The following NBEA variants were observed in gnomAD, a reference collection of about 807,000 sequenced individuals.
NBEA encodes the protein neurobeachin.
NBEA carries 44 observed loss-of-function variants against 343.4 expected under a neutral mutation model. That is an observed-to-expected ratio of 0.13 (90% CI 0.10 to 0.16). The LOEUF is 0.16. NBEA is among the 10% of genes least tolerant of loss of function. The probability of loss-of-function intolerance (pLI) is 1.00; values close to 1 mark genes in which losing one functional copy is unlikely to be tolerated. For synonymous variants in NBEA, 1,175 were observed against 1,238.7 expected (o/e 0.95, Z 1.08); for missense variants, 2,555 against 3,631.3 (o/e 0.70, Z 7.62).
chr13:35,176,250 G>C (rs940694377), intron 27 of NBEA, among the ~76,000 whole-genome samples: 8 of 152,166 alleles, frequency 5.3e-5, no homozygotes, highest in Admixed American at 2.0e-4. Flanking sequence ...TTGAGAAATA[G>C]AAGGTACCCT....
At chr13:35,389,017 C>CT (rs796374405) in intron 38 of NBEA, among the ~76,000 whole-genome samples, 4,203 of 137,332 alleles carry the variant, frequency 0.031, 171 homozygotes, top group African/African-American at 0.093. Context: ...TGGCGGGTTT[C>CT]TTTTTTTTTT....
intron 40 of NBEA, among the ~76,000 whole-genome samples, chr13:35,460,973 C>T (rs1469581308): frequency 1.3e-5 from 2 of 152,208 alleles, no homozygotes; most frequent in Admixed American, 6.5e-5. Flanking sequence ...AGGGAACTCA[C>T]ATGCTATCTC....
At chr13:35,179,181 A>G (rs190618053) in intron 28 of NBEA, among the ~76,000 whole-genome samples, 2 of 151,694 alleles carry the variant, frequency 1.3e-5, no homozygotes, top group East Asian at 1.9e-4. Context: ...TTCTGACTCT[A>G]CCTTATACCA....
Position 35,140,667 on chromosome 13 carries a change from T to C in NBEA, c.2337-1602T>C, listed in dbSNP as rs592906. On this transcript the variant is annotated intron_variant, in intron 17 of 58. Coordinates refer to ENST00000379939, the MANE Select transcript of NBEA (RefSeq NM_001385012.1). ...TAGGGTGAGGGTATCAACAATCCTGTGTCTTTTGTTATGGAGTGTGGCTCT... is the reference window on the plus strand; with the variant it reads ...TAGGGTGAGGGTATCAACAATCCTGCGTCTTTTGTTATGGAGTGTGGCTCT... 1.9e-3 allele frequency among the ~76,000 whole-genome samples: 288 copies of C among 152,282 alleles called. 2 individuals are homozygous for C. Among genetic ancestry groups the C allele is most frequent in the African/African-American group, 6.4e-3 (267 of 41,552 alleles).
intron 40 of NBEA, among the ~76,000 whole-genome samples, chr13:35,457,045 T>A (rs2046620727): frequency 1.3e-5 from 2 of 151,832 alleles, no homozygotes; most frequent in African/African-American, 4.8e-5. Context: ...AGTCCACCCA[T>A]GTTAATGTCT....
intron 40 of NBEA, among the ~76,000 whole-genome samples, chr13:35,469,626 A>G (rs962173397): frequency 1.3e-5 from 2 of 152,190 alleles, no homozygotes; most frequent in East Asian, 1.9e-4. Flanking sequence ...CAATATTTCT[A>G]TGTGTGCCGA....
At chr13:34,947,601 T>G (rs1409034484) in intron 1 of NBEA, among the ~76,000 whole-genome samples, 1 of 152,208 alleles carries the variant, frequency 6.6e-6, no homozygotes, top group Non-Finnish European at 1.5e-5. Flanking sequence ...CATATCACCC[T>G]GTAGCATTGC....
chr13:35,647,194 A>C (rs889320885), intron 51 of NBEA, among the ~76,000 whole-genome samples: 1 of 152,222 alleles, frequency 6.6e-6, no homozygotes, highest in African/African-American at 2.4e-5. Flanking sequence ...TAATTTGAAG[A>C]AGGTAAAATT....
intron 1 of NBEA, among the ~76,000 whole-genome samples, chr13:35,010,739 A>ATATATATATATAT (rs1221896150): frequency 2.9e-5 from 1 of 34,164 alleles, no homozygotes; most frequent in Admixed American, 4.3e-4. Context: ...AAAAAAAAAA[A>ATATATATATATAT]AAATATATAT....
At position 35,394,729 on chromosome 13, in the gene NBEA, C is replaced by T. The variant is rs554061501; in HGVS notation, c.6180-37540C>T. 3.9e-5 allele frequency among the ~76,000 whole-genome samples: 6 copies of T among 152,210 alleles called. No individual in the cohort carries two copies. The East Asian group carries it at 9.7e-4, about 25-fold the overall frequency. On this transcript the variant is annotated intron_variant, in intron 38 of 58. Transcript: ENST00000379939. ...GGATCCAGCTAAATTTGCAAATTCTCTACCAGATAATTCCTTGTGGTTTCT... is the reference window on the plus strand; with the variant it reads ...GGATCCAGCTAAATTTGCAAATTCTTTACCAGATAATTCCTTGTGGTTTCT...
chr13:35,439,297 A>G (rs186270049), intron 39 of NBEA, among the ~76,000 whole-genome samples: 106 of 152,356 alleles, frequency 7.0e-4, no homozygotes, highest in Non-Finnish European at 1.2e-3. Context: ...ATAAACAGTT[A>G]TCATAGAGGG....
At chr13:35,550,850 C>A in intron 42 of NBEA, 80 bp from the exon 43 acceptor site, 1 of 799,886 alleles carries the variant, frequency 1.3e-6, no homozygotes, top group Non-Finnish European at 2.0e-6. Context: ...TCATGATAGG[C>A]ACTTGAAGAT....
At chr13:34,964,568 C>G (rs1019768601) in intron 1 of NBEA, among the ~76,000 whole-genome samples, 1 of 151,932 alleles carries the variant, frequency 6.6e-6, no homozygotes, top group Non-Finnish European at 1.5e-5. Context: ...TACTAACGCA[C>G]AATTCAAGGT....
At chr13:35,275,748 G>A (rs1281209401) in intron 34 of NBEA, among the ~76,000 whole-genome samples, 1 of 152,148 alleles carries the variant, frequency 6.6e-6, no homozygotes, top group Non-Finnish European at 1.5e-5. Flanking sequence ...ACGGACACAT[G>A]AAAAAATGCT....
rs2080164681 is a variant in NBEA, at chr13:35,566,927, C to A, written c.6945C>A (p.Asn2315Lys). The A allele has an allele frequency of 6.2e-7, 1 of 1,608,618 alleles. No individual in the cohort carries two copies. Among genetic ancestry groups the A allele is most frequent in the Admixed American group, 1.7e-5 (1 of 59,894 alleles). ...TAGGACGGACATATAATGATCTGAA[C>A]CAATATCCAGTGTTTCCGTGGGTGT... is the stretch of plus-strand genomic sequence containing the variant. Reference protein sequence around the residue: ...TIAGRTYNDLNQYPVFPWVLT... With the variant: ...TIAGRTYNDLKQYPVFPWVLT... The change falls in exon 45 of 59, where the codon AAC becomes AAA. Residue 2315 changes from asparagine (N) to lysine (K), a missense_variant. Asn to Lys is a moderately conservative substitution (Grantham distance 94). Coordinates refer to ENST00000379939, the MANE Select transcript of NBEA (RefSeq NM_001385012.1).
intron 1 of NBEA, among the ~76,000 whole-genome samples, chr13:34,988,949 C>G (rs1332693846): frequency 6.6e-6 from 1 of 150,932 alleles, no homozygotes; most frequent in Non-Finnish European, 1.5e-5. Context: ...AATGTAATTA[C>G]TGATACTGGA....
intron 38 of NBEA, among the ~76,000 whole-genome samples, chr13:35,431,081 C>G (rs1343662228): frequency 6.6e-6 from 1 of 151,598 alleles, no homozygotes; most frequent in Non-Finnish European, 1.5e-5. Context: ...TTCTCAATGG[C>G]CATACATTGA....
Position 35,211,053 on chromosome 13 carries a change from G to T in NBEA, c.5522G>T (p.Gly1841Val). The T allele has an allele frequency of 6.5e-7, 1 of 1,549,372 alleles. No homozygotes were observed. Among genetic ancestry groups the T allele is most frequent in the Non-Finnish European group, 8.7e-7 (1 of 1,146,128 alleles). The change falls in exon 33 of 59, where the codon GGT becomes GTT. Residue 1841 changes from glycine (G) to valine (V), a missense_variant and splice_region_variant. By Grantham distance (109) the Gly-to-Val change is moderately radical (BLOSUM62 -3). This residue lies in a region of NBEA where 84 missense variants were observed against 196.4 expected (regional missense o/e 0.43). Transcript: ENST00000379939. ...ATPKSMINTT[G>V]AVDSGSSSSS... ...CTAAAAATTATTATTTTGGGAACAG[G>T]TGCCGTGGATTCAGGGTCCTCCTCC...
Position 35,132,301 on chromosome 13 carries a change from G to A in NBEA, c.2336+8727G>A, listed in dbSNP as rs188215609. ...GCCTCCCACGTAGCCAGGACTACAG[G>A]TGCGTGCCACCATGCCCAGCTAATT... On this transcript the variant is annotated intron_variant, in intron 17 of 58. Coordinates refer to ENST00000379939, the MANE Select transcript of NBEA (RefSeq NM_001385012.1). Among the ~76,000 whole-genome samples the A allele has an allele frequency of 2.3e-3, 348 of 152,224 alleles. 2 individuals carry two copies. The highest frequency in any genetic ancestry group is 0.01 in the Middle Eastern group (3 of 294).
Sources: gnomAD v4.1 joint callset for allele counts (sites outside exome capture counted in the v4.1 genomes callset) on GRCh38, gnomAD v4.1.1 for gene constraint, gnomAD v4.1.1 regional missense constraint, MANE v1.5 for transcripts, NCBI Gene and HGNC (gene_info 2026-07-23, HGNC 2026-07-21) for gene names.